Variants in RBFOX1 observed in about 807,000 individuals in gnomAD.
RBFOX1 encodes RNA binding fox-1 homolog 1.
RBFOX1 carries 8 observed loss-of-function variants against 57.7 expected under a neutral mutation model. The observed-to-expected ratio is 0.14, with a 90% confidence interval of 0.08 to 0.25. The LOEUF is 0.25. Among genes scored for constraint, RBFOX1 ranks in the 10% least tolerant of loss-of-function variants. RBFOX1 has a pLI of 1.00. For synonymous variants in RBFOX1, 326 were observed against 222.4 expected (o/e 1.47, Z -4.15); for missense variants, 611 against 548.5 (o/e 1.11, Z -1.14).
At chr16:6,670,711 C>G (rs775473639) in intron 3 of RBFOX1, among the ~76,000 whole-genome samples, 1 of 152,022 alleles carries the variant, frequency 6.6e-6, no homozygotes, top group Non-Finnish European at 1.5e-5. Context: ...AACTGGTTTC[C>G]TTATGGCCGG....
At chr16:5,795,785 A>G (rs967386187) in intron 3 of RBFOX1, among the ~76,000 whole-genome samples, 35 of 152,136 alleles carry the variant, frequency 2.3e-4, no homozygotes, top group African/African-American at 8.2e-4. Flanking sequence ...AAGATAAACA[A>G]TCCCATTCTC....
intron 3 of RBFOX1, among the ~76,000 whole-genome samples, chr16:6,957,492 C>A (rs142076857): frequency 9.2e-4 from 140 of 152,240 alleles, no homozygotes; most frequent in African/African-American, 3.3e-3. Context: ...CCTGACGTTG[C>A]CATGGCATTT....
At chr16:7,646,623 A>G (rs969059476) in intron 11 of RBFOX1, among the ~76,000 whole-genome samples, 1 of 152,220 alleles carries the variant, frequency 6.6e-6, no homozygotes, top group Non-Finnish European at 1.5e-5. Context: ...AATTCAAACC[A>G]GTGCACAAAT....
At chr16:6,126,145 C>T (rs962831451) in intron 1 of RBFOX1, among the ~76,000 whole-genome samples, 13 of 152,058 alleles carry the variant, frequency 8.5e-5, no homozygotes, top group Admixed American at 4.6e-4. Flanking sequence ...AAATCAAATC[C>T]GAGGGATTAA....
chr16:6,869,934 C>T (rs567373813), intron 3 of RBFOX1, among the ~76,000 whole-genome samples: 1 of 152,224 alleles, frequency 6.6e-6, no homozygotes, highest in East Asian at 1.9e-4. Context: ...ATCATCTCAG[C>T]GTCTTGGGGA....
At chr16:6,218,758 CG>C (rs1329720559) in intron 1 of RBFOX1, among the ~76,000 whole-genome samples, 2 of 151,982 alleles carry the variant, frequency 1.3e-5, no homozygotes, top group African/African-American at 4.8e-5. Flanking sequence ...CACTGGTTCC[CG>C]GTCTCCTTCT....
At chr16:7,184,586 T>G (rs962137180) in intron 4 of RBFOX1, among the ~76,000 whole-genome samples, 13 of 152,230 alleles carry the variant, frequency 8.5e-5, no homozygotes, top group Non-Finnish European at 1.2e-4. Flanking sequence ...CTTAGTCTTG[T>G]CTGTTTAGCA....
At chr16:5,860,744 G>T (rs2057192330) in intron 3 of RBFOX1, among the ~76,000 whole-genome samples, 1 of 152,148 alleles carries the variant, frequency 6.6e-6, no homozygotes, top group African/African-American at 2.4e-5. Context: ...AGAGAGAGAA[G>T]AATGAGTCAT....
chr16:7,357,864 A>G (rs1291150747), intron 4 of RBFOX1, among the ~76,000 whole-genome samples: 1 of 152,092 alleles, frequency 6.6e-6, no homozygotes, highest in Non-Finnish European at 1.5e-5. Flanking sequence ...TTCATGGAAG[A>G]TATTTCTTCA....
At chr16:5,308,554 A>G (rs2063998515) in intron 1 of RBFOX1, among the ~76,000 whole-genome samples, 1 of 152,140 alleles carries the variant, frequency 6.6e-6, no homozygotes, top group African/African-American at 2.4e-5. Context: ...TCTCAAACCC[A>G]TGTCTCCCCT....
chr16:5,846,284 G>C lies in RBFOX1; in HGVS notation c.319-21019G>C, dbSNP rs142610227. 5.3e-3 allele frequency among the ~76,000 whole-genome samples: 814 copies of C among 152,150 alleles called. 13 individuals are homozygous for C. Among genetic ancestry groups the C allele is most frequent in the Middle Eastern group, 0.034 (10 of 292 alleles). On this transcript the variant is annotated intron_variant, in intron 3 of 19. Coordinates refer to the RBFOX1 transcript ENST00000641259. The stretch of plus-strand genomic sequence containing the variant: ...TAGTAGCATCTTTGATGAAAGAAGA[G>C]AGTGGAGAAAAGGAGGAGGAGAAGA...
At chr16:5,476,239 A>C (rs898233842) in intron 2 of RBFOX1, among the ~76,000 whole-genome samples, 2 of 152,202 alleles carry the variant, frequency 1.3e-5, no homozygotes, top group African/African-American at 4.8e-5. Context: ...CATATCGCAA[A>C]ACATCATGTC....
At chr16:7,330,398 T>TG (rs1286294169) in intron 4 of RBFOX1, among the ~76,000 whole-genome samples, 3 of 148,884 alleles carry the variant, frequency 2.0e-5, no homozygotes, top group East Asian at 2.0e-4. Flanking sequence ...GTTTTTTTTT[T>TG]TTTTTTTTTT....
At chr16:5,440,319 G>C (rs2068046265) in intron 1 of RBFOX1, among the ~76,000 whole-genome samples, 2 of 152,128 alleles carry the variant, frequency 1.3e-5, no homozygotes, top group Admixed American at 6.5e-5. Context: ...GAAGATGCTT[G>C]CCCTTCAACT....
intron 2 of RBFOX1, among the ~76,000 whole-genome samples, chr16:5,492,574 G>A (rs1017351190): frequency 6.6e-6 from 1 of 152,240 alleles, no homozygotes; most frequent in East Asian, 1.9e-4. Flanking sequence ...AGCAGAGGCA[G>A]TACAGTGTGT....
chr16:7,288,657 A>C (rs149646240), intron 4 of RBFOX1, among the ~76,000 whole-genome samples: 4,564 of 152,256 alleles, frequency 0.03, 128 homozygotes, highest in East Asian at 0.13. Context: ...CCTGGCCAAC[A>C]TGGTGAAATG....
At chr16:5,367,348 C>T (rs901629141) in intron 1 of RBFOX1, among the ~76,000 whole-genome samples, 9 of 152,140 alleles carry the variant, frequency 5.9e-5, no homozygotes, top group African/African-American at 2.2e-4. Context: ...GAGCAGGTTC[C>T]CATGGCTGGA....
chr16:7,111,585 C>T (rs751723359), intron 4 of RBFOX1, among the ~76,000 whole-genome samples: 1 of 152,068 alleles, frequency 6.6e-6, no homozygotes, highest in East Asian at 1.9e-4. Context: ...GTGTTTTAAA[C>T]CAGATAAAGC....
At chr16:7,346,326 G>A (rs906174094) in intron 4 of RBFOX1, among the ~76,000 whole-genome samples, 8 of 151,772 alleles carry the variant, frequency 5.3e-5, no homozygotes, top group African/African-American at 1.9e-4. Flanking sequence ...AGTAAACCAC[G>A]ATGGCAGAGG....
Sources: gnomAD v4.1 joint callset for allele counts (sites outside exome capture counted in the v4.1 genomes callset) on GRCh38, gnomAD v4.1.1 for gene constraint, MANE v1.5 for transcripts, NCBI Gene and HGNC (gene_info 2026-07-23, HGNC 2026-07-21) for gene names.